The following EPHA6 variants were observed in gnomAD, a reference collection of about 807,000 sequenced individuals.
EPHA6 encodes the protein ephrin type-A receptor 6.
Under a neutral mutation model 112.0 loss-of-function variants are expected in EPHA6, and 50 were observed. The ratio of observed to expected loss-of-function variants is 0.45; its 90% confidence interval spans 0.36 to 0.56. The LOEUF (loss-of-function observed/expected upper bound fraction) is 0.56. Among genes scored for constraint, EPHA6 ranks in the 20% least tolerant of loss-of-function variants. EPHA6 has a pLI of 0.00. For synonymous variants in EPHA6, 529 were observed against 490.7 expected (o/e 1.08, Z -1.03); for missense variants, 1,280 against 1,417.4 (o/e 0.90, Z 1.56).
intron 3 of EPHA6, among the ~76,000 whole-genome samples, chr3:97,165,240 A>C (rs1371741505): frequency 6.6e-6 from 1 of 152,142 alleles, no homozygotes; most frequent in Non-Finnish European, 1.5e-5. Flanking sequence ...CTATACTCCA[A>C]GATTACCTCA....
chr3:96,939,306 C>G (rs1239590007), intron 2 of EPHA6, among the ~76,000 whole-genome samples: 2 of 152,110 alleles, frequency 1.3e-5, no homozygotes, highest in Admixed American at 6.6e-5. Context: ...TCTATTCAGA[C>G]ATTCAGCTTC....
intron 14 of EPHA6, among the ~76,000 whole-genome samples, chr3:97,715,865 C>A (rs2034194223): frequency 6.6e-6 from 1 of 152,150 alleles, no homozygotes; most frequent in Non-Finnish European, 1.5e-5. Context: ...ACTTGGAAAA[C>A]AAAAACACAA....
rs773055257 is a variant in EPHA6 at position 96,895,368 on chromosome 3, T to C, written c.450+28479T>C. Among the ~76,000 whole-genome samples, 30 of 151,946 alleles carry C rather than the reference T, an allele frequency of 2.0e-4. 1 individual carries two copies. Among genetic ancestry groups the C allele is most frequent in the Admixed American group, 2.0e-3 (30 of 15,204 alleles). On this transcript the variant is annotated intron_variant, in intron 2 of 17. Coordinates refer to ENST00000389672, the MANE Select transcript of EPHA6 (RefSeq NM_001080448.3). ...TCCCATGTTTGTATTTTAAGTAATA[T>C]TTTTATAAAAGGGCCAACATTTAAA... is the stretch of plus-strand genomic sequence containing the variant.
chr3:97,702,640 G>C (rs1470059099), intron 14 of EPHA6, among the ~76,000 whole-genome samples: 1 of 152,110 alleles, frequency 6.6e-6, no homozygotes, highest in Non-Finnish European at 1.5e-5. Context: ...TTATATAACA[G>C]TACTGCAATT....
At chr3:96,892,351 G>T (rs550847964) in intron 2 of EPHA6, among the ~76,000 whole-genome samples, 2 of 151,906 alleles carry the variant, frequency 1.3e-5, no homozygotes, top group Non-Finnish European at 2.9e-5. Context: ...CTCCTGAGTC[G>T]CTGGGACTAC....
At chr3:97,010,113 AC>A in intron 3 of EPHA6, 1 of 1,260,658 alleles carries the variant, frequency 7.9e-7, no homozygotes. Context: ...AAAATATTAA[AC>A]GGTTACATTT....
chr3:96,869,421 G>C (rs1456570087), intron 2 of EPHA6, among the ~76,000 whole-genome samples: 1 of 151,012 alleles, frequency 6.6e-6, no homozygotes, highest in Admixed American at 6.6e-5. Flanking sequence ...AAAAAAGGGA[G>C]AAGGCAACTT....
intron 14 of EPHA6, chr3:97,648,321 T>G (rs1023573446): frequency 6.9e-7 from 1 of 1,458,952 alleles, no homozygotes; most frequent in African/African-American, 1.4e-5. Context: ...ACCTCTGCTA[T>G]TCTGCATAAA....
chr3:97,229,384 T>C (rs1165155070), intron 4 of EPHA6, among the ~76,000 whole-genome samples: 2 of 152,230 alleles, frequency 1.3e-5, no homozygotes, highest in Non-Finnish European at 2.9e-5. Context: ...TATATTGATT[T>C]GATTTTTGTA....
chr3:97,415,706 T>C (rs1033002239), intron 6 of EPHA6, among the ~76,000 whole-genome samples: 2 of 152,072 alleles, frequency 1.3e-5, no homozygotes, highest in African/African-American at 4.8e-5. Flanking sequence ...ACATTTCAAA[T>C]CACAATTCAT....
intron 14 of EPHA6, among the ~76,000 whole-genome samples, chr3:97,665,621 C>T (rs1294176988): frequency 6.6e-6 from 1 of 152,166 alleles, no homozygotes; most frequent in East Asian, 1.9e-4. Context: ...GCCCTTAAAA[C>T]ACAATTCCAT....
At chr3:97,294,714 T>C (rs978839810) in intron 5 of EPHA6, among the ~76,000 whole-genome samples, 4 of 152,202 alleles carry the variant, frequency 2.6e-5, no homozygotes, top group Non-Finnish European at 2.9e-5. Flanking sequence ...TTTTATACAT[T>C]CATGTATTTT....
At chr3:96,921,953 A>G (rs1342874918) in intron 2 of EPHA6, among the ~76,000 whole-genome samples, 1 of 152,162 alleles carries the variant, frequency 6.6e-6, no homozygotes, top group East Asian at 1.9e-4. Context: ...CAATTTAAAT[A>G]TCTAGAAGAA....
chr3:97,612,419 A>G (rs776745517), intron 13 of EPHA6: 1 of 420,652 alleles, frequency 2.4e-6, no homozygotes. Context: ...AGTGTAGCAG[A>G]TATTCAATCT....
At chr3:97,210,649 T>G (rs1405487361) in intron 3 of EPHA6, among the ~76,000 whole-genome samples, 1 of 152,228 alleles carries the variant, frequency 6.6e-6, no homozygotes, top group African/African-American at 2.4e-5. Context: ...TAGGTTAGAA[T>G]GGACCTCTGT....
intron 14 of EPHA6, among the ~76,000 whole-genome samples, chr3:97,672,319 C>T (rs1446385140): frequency 6.6e-6 from 1 of 152,086 alleles, no homozygotes; most frequent in African/African-American, 2.4e-5. Flanking sequence ...TAATCCCATG[C>T]TTATCTTTCT....
At chr3:96,970,258 CACACACACAA>C (rs796187384) in intron 2 of EPHA6, among the ~76,000 whole-genome samples, 2,217 of 150,408 alleles carry the variant, frequency 0.015, 54 homozygotes, top group African/African-American at 0.046. Flanking sequence ...CACACACACA[CACACACACAA>C]ACACACACAC....
intron 10 of EPHA6, among the ~76,000 whole-genome samples, chr3:97,527,749 G>A (rs918576101): frequency 6.6e-5 from 10 of 152,136 alleles, no homozygotes; most frequent in African/African-American, 1.9e-4. Flanking sequence ...CAGGGTACTC[G>A]TCGATACTCA....
intron 16 of EPHA6, among the ~76,000 whole-genome samples, chr3:97,740,329 A>T (rs2035446344): frequency 6.6e-6 from 1 of 152,160 alleles, no homozygotes; most frequent in Non-Finnish European, 1.5e-5. Flanking sequence ...TCCCTGCTCC[A>T]GGTCCCCAGC....
Sources: allele counts gnomAD v4.1 joint callset (sites outside exome capture counted in the v4.1 genomes callset), GRCh38; gene constraint gnomAD v4.1.1; transcripts MANE v1.5; gene names NCBI Gene and HGNC (gene_info 2026-07-23, HGNC 2026-07-21).